The following MAPT variants were observed in gnomAD, a reference collection of about 807,000 sequenced individuals.
The protein encoded by MAPT is microtubule associated protein tau.
A neutral mutation model predicts 67.9 loss-of-function variants in MAPT; 34 were observed. The ratio of observed to expected loss-of-function variants is 0.50; its 90% confidence interval spans 0.38 to 0.67. The LOEUF is 0.67. MAPT is among the 30% of genes least tolerant of loss of function. MAPT has a pLI of 0.00. For synonymous variants in MAPT, 456 were observed against 464.5 expected (o/e 0.98, Z 0.23); for missense variants, 881 against 1,115.2 (o/e 0.79, Z 2.99).
rs780463230 is a variant in MAPT, at chr17:45,991,439, T to G, written c.1606-21T>G. On this transcript the variant is annotated intron_variant, in intron 7 of 12. Coordinates refer to ENST00000262410, the MANE Select transcript of MAPT (RefSeq NM_001377265.1). ...ACTTTTCCCAATGGTGAAAAACCCC[T>G]CTATCATGTTTCATTTACAGGGGGC... is the stretch of plus-strand genomic sequence containing the variant. The G allele has an allele frequency of 2.5e-6, 4 of 1,613,996 alleles. No individual in the cohort carries two copies. The Admixed American group carries it at 5.0e-5, about 20-fold the overall frequency.
chr17:45,925,055 A>T lies in MAPT; in HGVS notation c.-18+30369A>T, dbSNP rs2066147277. Among the ~76,000 whole-genome samples, 4 of 152,090 alleles carry T rather than the reference A, an allele frequency of 2.6e-5. No individual in the cohort carries two copies. In the South Asian group the frequency reaches 8.3e-4, roughly 32 times the overall value. On this transcript the variant is annotated intron_variant, in intron 1 of 12. Transcript: ENST00000262410. ...GTAAATTTAGTTCTGACTTCTGTCCACCCCACTGCCACTGTCCCCTTTTAT... is the reference window on the plus strand; with the variant it reads ...GTAAATTTAGTTCTGACTTCTGTCCTCCCCACTGCCACTGTCCCCTTTTAT...
At chr17:45,937,718 G>A (rs1212383793) in intron 1 of MAPT, among the ~76,000 whole-genome samples, 1 of 151,872 alleles carries the variant, frequency 6.6e-6, no homozygotes, top group African/African-American at 2.4e-5. Flanking sequence ...GGCCCTCAGT[G>A]TGCACAACCA....
rs374073099 is a variant in MAPT at position 46,018,572 on chromosome 17, C to A, written c.2174-46C>A. The stretch of plus-strand genomic sequence containing the variant: ...TGTAATGTATGTTAAGTCCACAGAA[C>A]CACAGAAGATGATGGCAAGATGCTC... On this transcript the variant is annotated intron_variant, in intron 11 of 12. Coordinates refer to ENST00000262410, the MANE Select transcript of MAPT (RefSeq NM_001377265.1). 27 of 1,371,552 alleles carry A rather than the reference C, an allele frequency of 2.0e-5. No homozygotes were observed. In the Admixed American group the frequency reaches 2.0e-4, roughly 10 times the overall value. The allele number at this position is 1,371,552 out of a possible 1,614,324, so 85.0% of individuals were successfully genotyped here.
At chr17:46,016,204 C>G (rs1375915183) in intron 11 of MAPT, among the ~76,000 whole-genome samples, 1 of 151,988 alleles carries the variant, frequency 6.6e-6, no homozygotes, top group Admixed American at 6.6e-5. Flanking sequence ...TCAGCCTGGC[C>G]GACATGGCGA....
At chr17:45,987,005 A>G (rs771840793) in intron 5 of MAPT, 35 bp from the exon 6 acceptor site, 44 of 1,584,988 alleles carry the variant, frequency 2.8e-5, no homozygotes, top group Non-Finnish European at 3.8e-5. Flanking sequence ...GTGAAAATGG[A>G]GTGTGACAAG....
chr17:46,012,668 G>T (rs2075894785), intron 10 of MAPT, among the ~76,000 whole-genome samples: 1 of 151,800 alleles, frequency 6.6e-6, no homozygotes, highest in African/African-American at 2.4e-5. Flanking sequence ...CCCCCTCCCT[G>T]CCCTCCAGGT....
At chr17:46,003,574 T>C (rs2145926516) in intron 9 of MAPT, among the ~76,000 whole-genome samples, 1 of 152,312 alleles carries the variant, frequency 6.6e-6, no homozygotes, top group South Asian at 2.1e-4. Context: ...CCACCACGCC[T>C]GCCCTTAAAA....
intron 1 of MAPT, among the ~76,000 whole-genome samples, chr17:45,955,629 C>T (rs966404281): frequency 6.6e-6 from 1 of 152,186 alleles, no homozygotes; most frequent in Non-Finnish European, 1.5e-5. Flanking sequence ...CAAGCAACCC[C>T]GCCCCATGTG....
At chr17:46,007,071 T>C (rs892751425) in intron 9 of MAPT, among the ~76,000 whole-genome samples, 1 of 151,902 alleles carries the variant, frequency 6.6e-6, no homozygotes, top group Admixed American at 6.6e-5. Flanking sequence ...CACCGTGATG[T>C]GATTATTGCA....
chr17:46,001,508 T>C (rs182261675), intron 9 of MAPT, among the ~76,000 whole-genome samples: 206 of 152,274 alleles, frequency 1.4e-3, no homozygotes, highest in African/African-American at 4.4e-3. Flanking sequence ...CATTAAGAGC[T>C]GGCTCCTGGC....
chr17:45,933,763 CCTT>C (rs1568193731), intron 1 of MAPT, among the ~76,000 whole-genome samples: 1 of 152,074 alleles, frequency 6.6e-6, no homozygotes, highest in Non-Finnish European at 1.5e-5. Flanking sequence ...AGTCACTTGA[CCTT>C]CTTCCCAGAC....
At position 45,971,543 on chromosome 17, in the gene MAPT, G is replaced by A. The variant is rs1040142958; in HGVS notation, c.134-316G>A. Among the ~76,000 whole-genome samples the A allele has an allele frequency of 1.3e-4, 19 of 151,630 alleles. No individual in the cohort carries two copies. Among genetic ancestry groups the A allele is most frequent in the African/African-American group, 3.9e-4 (16 of 41,406 alleles). ...CTCGGCTTTCTGGTATTTGCTGCCC[G>A]TTGACCAATGGAAGATAAACCTTTG... is the stretch of plus-strand genomic sequence containing the variant. On this transcript the variant is annotated intron_variant, in intron 2 of 12. Transcript: ENST00000262410. This position sits in a 1 kb window ranked among gnomAD's most constrained non-coding sequence, Gnocchi z 4.3.
rs1052587 is a variant in MAPT at position 46,025,238 on chromosome 17, T to C, written c.*1067T>C. 0.14 allele frequency: 21,872 copies of C among 152,856 alleles called. 2,138 individuals are homozygous for C. The highest frequency in any genetic ancestry group is 0.22 in the Non-Finnish European group (14,781 of 68,144). 9.5% of individuals were successfully genotyped at this position (152,856 alleles called of 1,614,324 possible). ...CCACCCGTTTCCAAGCCTGGGCCAC[T>C]GGCATCTCTGGAGTGTGTGGGGGTC... On this transcript the variant is annotated 3_prime_UTR_variant, in exon 13 of 13. Coordinates refer to ENST00000262410, the MANE Select transcript of MAPT (RefSeq NM_001377265.1).
At chr17:45,942,925 A>G (rs980296455) in intron 1 of MAPT, among the ~76,000 whole-genome samples, 9 of 152,246 alleles carry the variant, frequency 5.9e-5, no homozygotes, top group African/African-American at 1.4e-4. Flanking sequence ...AGTGGACTCC[A>G]GGCAGCCTGG....
chr17:45,980,844 C>T (rs2072880991), intron 4 of MAPT, among the ~76,000 whole-genome samples: 1 of 152,196 alleles, frequency 6.6e-6, no homozygotes, highest in African/African-American at 2.4e-5. Context: ...CGCTCAGGCT[C>T]AGGGTTGCCT....
Position 45,896,988 on chromosome 17 carries a change from G to A in MAPT, c.-18+2302G>A, listed in dbSNP as rs113161176. On this transcript the variant is annotated intron_variant, in intron 1 of 12. Transcript: ENST00000262410. The surrounding 1 kb of genome is among the most constrained non-coding windows in gnomAD (Gnocchi z 5.6). ...ATCCTCCACGCGGGTCGCCCAGGTT[G>A]ATCTGAATTTCTGGGGAATGGCTTG... 21,755 of 152,214 alleles carry A rather than the reference G, an allele frequency of 0.14. 2,097 individuals carry two copies. Among genetic ancestry groups the A allele is most frequent in the Middle Eastern group, 0.22 (64 of 294 alleles). 9.4% of individuals were successfully genotyped at this position (152,214 alleles called of 1,614,324 possible).
At chr17:45,954,684 A>T (rs2069429650) in intron 1 of MAPT, among the ~76,000 whole-genome samples, 1 of 152,202 alleles carries the variant, frequency 6.6e-6, no homozygotes, top group South Asian at 2.1e-4. Flanking sequence ...TCAATTTAAA[A>T]TTATAATGAA....
At chr17:45,966,351 G>C (rs117977938) in intron 2 of MAPT, among the ~76,000 whole-genome samples, 7,613 of 152,260 alleles carry the variant, frequency 0.05, 241 homozygotes, top group Middle Eastern at 0.16. Context: ...ACTTCGGAAG[G>C]CTGAGGCAGG....
In MAPT at chr17:46,008,637, A is replaced by T. The variant is rs530026196; in HGVS notation, c.1999-1673A>T. Among the ~76,000 whole-genome samples the T allele has an allele frequency of 2.0e-5, 3 of 152,294 alleles. No homozygotes were observed. In the South Asian group the frequency reaches 6.2e-4, roughly 32 times the overall value. On this transcript the variant is annotated intron_variant, in intron 9 of 12. Transcript: ENST00000262410. The stretch of plus-strand genomic sequence containing the variant: ...GAACATAAAAGATTATGAAGAAATG[A>T]GTTAGATATTGATTCCTATTGAAGA...
Sources: gnomAD v4.1 joint callset for allele counts (sites outside exome capture counted in the v4.1 genomes callset) on GRCh38, gnomAD v4.1.1 for gene constraint, Gnocchi (gnomAD v3.1) non-coding constraint, MANE v1.5 for transcripts, NCBI Gene and HGNC (gene_info 2026-07-23, HGNC 2026-07-21) for gene names.